The following TRDN variants were observed in gnomAD, a reference collection of about 807,000 sequenced individuals.
TRDN encodes triadin in skeletal muscle.
Under a neutral mutation model 149.7 loss-of-function variants are expected in TRDN, and 161 were observed. That is an observed-to-expected ratio of 1.08 (90% CI 0.95 to 1.23). TRDN has a LOEUF of 1.23. Among genes scored for constraint, TRDN ranks in the 50% most tolerant of loss-of-function variants. The pLI is 0.00. For missense variants in TRDN, 896 were observed against 823.5 expected, an observed-to-expected ratio of 1.09 and a Z score of -1.08; for synonymous variants, 294 against 250.5, an observed-to-expected ratio of 1.17 and a Z score of -1.64.
Position 123,585,653 on chromosome 6 carries a change from C to T in TRDN, c.23-14521G>A, listed in dbSNP as rs185755489. Among the ~76,000 whole-genome samples the T allele has an allele frequency of 7.2e-4, 109 of 152,224 alleles. 2 individuals are homozygous for T. In the East Asian group the frequency reaches 0.014, roughly 19 times the overall value. ...TGGCTGCCGGGTGAGTTGGACAGTC[C>T]GATTTCCAGTGGGGTTCCGTACAGA... On this transcript the variant is annotated intron_variant, in intron 1 of 40. Coordinates refer to ENST00000334268, the MANE Select transcript of TRDN (RefSeq NM_006073.4).
chr6:123,283,647 G>T (rs1777684432), intron 24 of TRDN, among the ~76,000 whole-genome samples: 1 of 151,404 alleles, frequency 6.6e-6, no homozygotes, highest in Non-Finnish European at 1.5e-5. Context: ...AAATATGGAA[G>T]ATTATTCAAG....
intron 26 of TRDN, 132 bp downstream of exon 26, chr6:123,278,186 G>GTT (rs140706039): frequency 2.7e-5 from 16 of 589,016 alleles, no homozygotes; most frequent in African/African-American, 2.0e-4. Flanking sequence ...TATTTTGTTA[G>GTT]TTTTTTTTTA....
chr6:123,419,073 A>G (rs1272717423), intron 12 of TRDN, among the ~76,000 whole-genome samples: 1 of 151,932 alleles, frequency 6.6e-6, no homozygotes, highest in African/African-American at 2.4e-5. Flanking sequence ...TGAGAGGCTA[A>G]AAAAAGAAAC....
At chr6:123,609,928 T>C (rs983413415) in intron 1 of TRDN, among the ~76,000 whole-genome samples, 1 of 152,154 alleles carries the variant, frequency 6.6e-6, no homozygotes, top group African/African-American at 2.4e-5. Context: ...GTTCAGTGGA[T>C]GGATGATATA....
chr6:123,634,568 C>G (rs1329593932), intron 1 of TRDN, among the ~76,000 whole-genome samples: 1 of 151,804 alleles, frequency 6.6e-6, no homozygotes, highest in Non-Finnish European at 1.5e-5. Context: ...TTATAAAAGA[C>G]TGGAGGAAGA....
chr6:123,372,632 T>C (rs1411819201), intron 19 of TRDN, among the ~76,000 whole-genome samples: 1 of 152,002 alleles, frequency 6.6e-6, no homozygotes, highest in Non-Finnish European at 1.5e-5. Context: ...TTCTGAAAAA[T>C]AGTGATCCTT....
At chr6:123,364,497 C>T (rs1347236511) in intron 20 of TRDN, among the ~76,000 whole-genome samples, 1 of 151,992 alleles carries the variant, frequency 6.6e-6, no homozygotes, top group African/African-American at 2.4e-5. Context: ...ATTAGCTGGG[C>T]GTGATGGTGC....
In TRDN at chr6:123,599,170, T is replaced by C. The variant is rs77951891; in HGVS notation, c.23-28038A>G. ...AATGATAAATATTCTTACATATAAA[T>C]ATGGCTTTCTACAATGTCTCTCTGA... On this transcript the variant is annotated intron_variant, in intron 1 of 40. Coordinates refer to ENST00000334268, the MANE Select transcript of TRDN (RefSeq NM_006073.4). Among the ~76,000 whole-genome samples the C allele has an allele frequency of 9.1e-3, 1,387 of 152,240 alleles. 18 individuals are homozygous for C. The highest frequency in any genetic ancestry group is 0.031 in the African/African-American group (1,286 of 41,566).
At chr6:123,280,156 G>A (rs186211735) in intron 24 of TRDN, among the ~76,000 whole-genome samples, 1 of 152,186 alleles carries the variant, frequency 6.6e-6, no homozygotes, top group Non-Finnish European at 1.5e-5. Flanking sequence ...GAAAGGCCAA[G>A]ACAGTCAGTT....
At chr6:123,295,602 G>A (rs962072334) in intron 24 of TRDN, among the ~76,000 whole-genome samples, 1 of 152,126 alleles carries the variant, frequency 6.6e-6, no homozygotes, top group African/African-American at 2.4e-5. Context: ...TCTTAATTAA[G>A]TTGATTGACT....
At chr6:123,528,057 A>G (rs1276791872) in intron 5 of TRDN, among the ~76,000 whole-genome samples, 1 of 151,912 alleles carries the variant, frequency 6.6e-6, no homozygotes, top group African/African-American at 2.4e-5. Flanking sequence ...AAAATATCGA[A>G]CAAAATAAAC....
chr6:123,593,935 T>C (rs1783910668), intron 1 of TRDN, among the ~76,000 whole-genome samples: 1 of 152,194 alleles, frequency 6.6e-6, no homozygotes, highest in African/African-American at 2.4e-5. Flanking sequence ...AAATTTTGAT[T>C]AAATTGTAGA....
intron 16 of TRDN, 36 bp from the exon 17 acceptor site, chr6:123,377,934 T>C: frequency 1.5e-6 from 2 of 1,372,878 alleles, no homozygotes; most frequent in Non-Finnish European, 9.9e-7. Flanking sequence ...TTATTATCGT[T>C]ATTATTCTAA....
chr6:123,603,940 T>C (rs1277200356), intron 1 of TRDN, among the ~76,000 whole-genome samples: 4 of 152,326 alleles, frequency 2.6e-5, no homozygotes. Flanking sequence ...CTACTGATAT[T>C]TTCCTATATG....
Position 123,239,440 on chromosome 6 carries a change from T to C in TRDN, c.1975+12972A>G, listed in dbSNP as rs188610637. ...GGCTATAGAATTGTGCTTTCAACCA[T>C]TAGCAAAGACACAATCTTCTCAATC... On this transcript the variant is annotated intron_variant, in intron 38 of 40. Coordinates refer to ENST00000334268, the MANE Select transcript of TRDN (RefSeq NM_006073.4). Among the ~76,000 whole-genome samples, 27 of 152,208 alleles carry C rather than the reference T, an allele frequency of 1.8e-4. No homozygotes were observed. The East Asian group carries it at 5.2e-3, about 29-fold the overall frequency.
Position 123,279,038 on chromosome 6 carries a change from A to AT in TRDN, c.1537+17_1537+18insA. 24 of 1,603,672 alleles carry AT rather than the reference A, an allele frequency of 1.5e-5. No individual in the cohort carries two copies. The highest frequency in any genetic ancestry group is 2.0e-5 in the Non-Finnish European group (24 of 1,175,774). Reference sequence around the variant, plus strand: ...TACATATGTACGTGTTTGTTTATTGAGCATGCATATAACATACGTGGAGGT... The same window carrying AT: ...TACATATGTACGTGTTTGTTTATTGATGCATGCATATAACATACGTGGAGGT... On this transcript the variant is annotated intron_variant, in intron 25 of 40. Transcript: ENST00000334268.
chr6:123,615,268 T>A (rs1196327208), intron 1 of TRDN, among the ~76,000 whole-genome samples: 5 of 152,110 alleles, frequency 3.3e-5, no homozygotes, highest in Non-Finnish European at 7.4e-5. Flanking sequence ...AAAATATAAC[T>A]ACCATTGATC....
intron 9 of TRDN, among the ~76,000 whole-genome samples, chr6:123,489,311 G>C (rs1778107709): frequency 6.6e-6 from 1 of 151,702 alleles, no homozygotes; most frequent in Admixed American, 6.6e-5. Flanking sequence ...AATAAACTGA[G>C]ATTCAAAAAA....
At chr6:123,259,781 C>T (rs1010369570) in intron 34 of TRDN, 119 bp from the exon 35 acceptor site, 4 of 672,448 alleles carry the variant, frequency 5.9e-6, no homozygotes, top group Admixed American at 7.7e-5. Flanking sequence ...AGTCAGGGCT[C>T]TCTCATTTCA....
Sources: allele counts gnomAD v4.1 joint callset (sites outside exome capture counted in the v4.1 genomes callset), GRCh38; gene constraint gnomAD v4.1.1; transcripts MANE v1.5; gene names NCBI Gene and HGNC (gene_info 2026-07-23, HGNC 2026-07-21).